Variants in OR51B5 observed in about 807,000 individuals in gnomAD.
The protein encoded by OR51B5 is olfactory receptor 51B5.
For synonymous variants in OR51B5, 186 were observed against 144.8 expected, an observed-to-expected ratio of 1.28 and a Z score of -2.04; for missense variants, 456 against 374.6, an observed-to-expected ratio of 1.22 and a Z score of -1.79.
intron 1 of OR51B5, among the ~76,000 whole-genome samples, chr11:5,503,567 T>C (rs1590033771): frequency 6.6e-6 from 1 of 152,348 alleles, no homozygotes; most frequent in East Asian, 1.9e-4. Context: ...ACATCTGCTA[T>C]AAAGTGTACT....
rs140815334 is a variant in OR51B5, at chr11:5,504,362, G to A, written n.84+1207C>T. Among the ~76,000 whole-genome samples, 4 of 152,194 alleles carry A rather than the reference G, an allele frequency of 2.6e-5. No homozygotes were observed. In the South Asian group the frequency reaches 6.2e-4, roughly 24 times the overall value. ...TTTCTGCTTTCTAGCAAATCTCTTGGTCTGAAGAAAGAGTACAATTTCTTT... is the reference window on the plus strand; with the variant it reads ...TTTCTGCTTTCTAGCAAATCTCTTGATCTGAAGAAAGAGTACAATTTCTTT... On this transcript the variant is annotated intron_variant and non_coding_transcript_variant, in intron 1 of 4. Coordinates refer to the OR51B5 transcript ENST00000415970.
intron 1 of OR51B5, among the ~76,000 whole-genome samples, chr11:5,408,025 A>G (rs1057211092): frequency 2.6e-5 from 4 of 152,068 alleles, no homozygotes; most frequent in Non-Finnish European, 5.9e-5. Context: ...CCAAAAACAT[A>G]TTTTCACAGG....
At chr11:5,396,378 G>C (rs2201866) in intron 1 of OR51B5, among the ~76,000 whole-genome samples, 57,888 of 152,040 alleles carry the variant, frequency 0.38, 12,728 homozygotes, top group Non-Finnish European at 0.5. Context: ...AAAGTCTCAG[G>C]ATACAAAATC....
chr11:5,481,921 C>G (rs11037705), intron 1 of OR51B5, among the ~76,000 whole-genome samples: 28,395 of 116,196 alleles, frequency 0.24, 4,000 homozygotes, highest in East Asian at 0.45. Flanking sequence ...ATGAAAATGG[C>G]CATACTGCCC....
intron 1 of OR51B5, among the ~76,000 whole-genome samples, chr11:5,411,121 C>G (rs1850143087): frequency 6.6e-6 from 1 of 152,238 alleles, no homozygotes. Flanking sequence ...TTTTCATCCA[C>G]TCACCACTCA....
downstream of OR51B5, among the ~76,000 whole-genome samples, chr11:5,342,235 ATTTTATAT>A (rs1471241139): frequency 6.6e-6 from 1 of 152,172 alleles, no homozygotes; most frequent in African/African-American, 2.4e-5. Context: ...CCAACTAATA[ATTTTATAT>A]TTTTATGATT....
At chr11:5,497,748 C>T (rs435810) in intron 1 of OR51B5, among the ~76,000 whole-genome samples, 106,836 of 152,064 alleles carry the variant, frequency 0.7, 39,564 homozygotes, top group Non-Finnish European at 0.81. Flanking sequence ...TCTCTCACCA[C>T]GTTTGCCTCC....
intron 1 of OR51B5, chr11:5,454,605 A>G (rs1850924389): frequency 1.9e-6 from 1 of 526,596 alleles, no homozygotes; most frequent in Non-Finnish European, 3.3e-6. Context: ...TACATTCACT[A>G]AATACCAACA....
intron 1 of OR51B5, among the ~76,000 whole-genome samples, chr11:5,450,474 C>T (rs1237955113): frequency 2.0e-5 from 3 of 152,114 alleles, no homozygotes; most frequent in Non-Finnish European, 2.9e-5. Flanking sequence ...GCTTATATAG[C>T]CAGTACCTTC....
intron 1 of OR51B5, among the ~76,000 whole-genome samples, chr11:5,437,593 A>G (rs1364000528): frequency 1.3e-5 from 2 of 152,240 alleles, no homozygotes; most frequent in Admixed American, 6.5e-5. Flanking sequence ...ACCTGATTTT[A>G]GAAGATTAAC....
chr11:5,362,650 G>A (rs78002215), intron 1 of OR51B5: 74,557 of 189,776 alleles, frequency 0.39, 15,848 homozygotes, highest in South Asian at 0.43. Flanking sequence ...ACAACAGCCC[G>A]GTCAACCCAG....
chr11:5,363,091 T>A (rs942999198), intron 1 of OR51B5, among the ~76,000 whole-genome samples: 5 of 152,018 alleles, frequency 3.3e-5, no homozygotes, highest in Admixed American at 3.3e-4. Context: ...CTGAGTGGCA[T>A]TCCTCCATGA....
intron 1 of OR51B5, among the ~76,000 whole-genome samples, chr11:5,408,396 C>T (rs1283953254): frequency 2.2e-5 from 3 of 135,134 alleles, no homozygotes; most frequent in African/African-American, 7.8e-5. Flanking sequence ...CCCTTCTTTC[C>T]TTCCTTCCTT....
intron 1 of OR51B5, chr11:5,383,859 C>T (rs1184351596): frequency 6.6e-6 from 1 of 152,216 alleles, no homozygotes; most frequent in South Asian, 2.1e-4. Context: ...CTTATCTATA[C>T]TCTTCTTTCT....
chr11:5,477,104 G>A (rs28532721), intron 1 of OR51B5, among the ~76,000 whole-genome samples: 18,224 of 152,170 alleles, frequency 0.12, 1,307 homozygotes, highest in Admixed American at 0.17. Context: ...AACTTTTAGA[G>A]GTGATGTATA....
chr11:5,433,144 A>G (rs1178752465), intron 1 of OR51B5, among the ~76,000 whole-genome samples: 2 of 152,244 alleles, frequency 1.3e-5, no homozygotes, highest in Non-Finnish European at 2.9e-5. Flanking sequence ...GAAAACTATC[A>G]AAGATGTAGT....
intron 1 of OR51B5, chr11:5,362,714 A>G (rs1030020226): frequency 8.8e-6 from 2 of 227,656 alleles, no homozygotes; most frequent in South Asian, 8.2e-5. Flanking sequence ...GTTCTTCACC[A>G]CCTGGTTCTT....
At chr11:5,430,976 C>A (rs143819026) in intron 1 of OR51B5, 1 of 456,812 alleles carries the variant, frequency 2.2e-6, no homozygotes, top group Admixed American at 2.4e-5. Flanking sequence ...GAGTCCAGCC[C>A]GAAATTTGCG....
At chr11:5,350,595 A>G (rs566417729) in intron 1 of OR51B5, among the ~76,000 whole-genome samples, 1 of 152,274 alleles carries the variant, frequency 6.6e-6, no homozygotes, top group South Asian at 2.1e-4. Flanking sequence ...AGTTTTAAAA[A>G]AAAAATTCTC....
Sources: allele counts gnomAD v4.1 joint callset (sites outside exome capture counted in the v4.1 genomes callset), GRCh38; gene constraint gnomAD v4.1.1; transcripts MANE v1.5; gene names NCBI Gene and HGNC (gene_info 2026-07-23, HGNC 2026-07-21).